Variants in ZBBX observed in about 807,000 individuals in gnomAD.
ZBBX encodes zinc finger B-box domain-containing protein 1.
A neutral mutation model predicts 108.5 loss-of-function variants in ZBBX; 101 were observed. The ratio of observed to expected loss-of-function variants is 0.93; its 90% CI spans 0.79 to 1.10. The LOEUF (loss-of-function observed/expected upper bound fraction) is 1.10. Among genes scored for constraint, ZBBX ranks in the 50% least tolerant of loss-of-function variants. ZBBX has a pLI of 0.00. For missense variants in ZBBX, 1,009 were observed against 941.4 expected (o/e 1.07, Z -0.94); for synonymous variants, 356 against 323.4 (o/e 1.10, Z -1.08).
chr3:167,364,940 C>T (rs1254130867), intron 6 of ZBBX, among the ~76,000 whole-genome samples: 2 of 151,692 alleles, frequency 1.3e-5, no homozygotes, highest in African/African-American at 4.8e-5. Flanking sequence ...TTGACTTCCT[C>T]CTCTCCTTTC....
chr3:167,266,529 C>A (rs1725522807), intron 20 of ZBBX, among the ~76,000 whole-genome samples: 1 of 152,156 alleles, frequency 6.6e-6, no homozygotes, highest in South Asian at 2.1e-4. Flanking sequence ...CACCACTGTA[C>A]CTCACATCCC....
intron 1 of ZBBX, among the ~76,000 whole-genome samples, chr3:167,395,490 G>C (rs774492948): frequency 5.3e-5 from 8 of 150,832 alleles, no homozygotes; most frequent in Admixed American, 3.3e-4. Context: ...ATCTGAAGTG[G>C]AATCCTGGCT....
At position 167,372,894 on chromosome 3, in the gene ZBBX, C is replaced by G. The variant is rs779809340; in HGVS notation, c.8G>C (p.Arg3Thr). Residue 3 changes from arginine to threonine, a missense_variant, in exon 4 of 22, where the codon AGA (arginine) becomes ACA (threonine). Arg to Thr is a moderately conservative substitution (Grantham distance 71). Coordinates refer to ENST00000675490, the MANE Select transcript of ZBBX (RefSeq NM_001199201.2). ...CCATGGAAGAACTACAAAATCTTTT[C>G]TGTTCATGATTACCACCTTAATATT... is the stretch of plus-strand genomic sequence containing the variant. MN[R>T]KDFVVLPWGK... 1.9e-6 allele frequency: 3 copies of G among 1,601,618 alleles called. No individual in the cohort carries two copies. In the South Asian group the frequency reaches 3.4e-5, roughly 18 times the overall value.
chr3:167,390,918 A>G (rs1343544915), intron 1 of ZBBX, among the ~76,000 whole-genome samples: 1 of 152,166 alleles, frequency 6.6e-6, no homozygotes, highest in Non-Finnish European at 1.5e-5. Context: ...ATGTACAATT[A>G]TGTCATCTGC....
intron 9 of ZBBX, among the ~76,000 whole-genome samples, chr3:167,336,764 C>T (rs1250812509): frequency 6.6e-6 from 1 of 152,148 alleles, no homozygotes; most frequent in East Asian, 1.9e-4. Context: ...TAAAAACTCA[C>T]AAAACTTTAA....
chr3:167,220,496 T>C, the ZBBX span, among the ~76,000 whole-genome samples: 1 of 152,138 alleles, frequency 6.6e-6, no homozygotes, highest in East Asian at 1.9e-4. Flanking sequence ...ATATGATCAC[T>C]TCAACTGATG....
rs570208183 is a variant in ZBBX, at chr3:167,391,453, TG to T, written c.-445-11049del. ...ATAATGGCCTGAAATTTTCTTTTTT[TG>T]TTGTGTTTCTGCCAGGTTTTGGTAT... On this transcript the variant is annotated intron_variant, in intron 1 of 21. Transcript: ENST00000455345. Among the ~76,000 whole-genome samples the T allele has an allele frequency of 2.7e-3, 411 of 152,150 alleles. 2 individuals are homozygous for T. The highest frequency in any genetic ancestry group is 4.2e-3 in the Non-Finnish European group (286 of 67,938).
intron 20 of ZBBX, among the ~76,000 whole-genome samples, chr3:167,277,678 T>C (rs186250922): frequency 0.035 from 5,318 of 152,100 alleles, 142 homozygotes; most frequent in Non-Finnish European, 0.051. Flanking sequence ...CTGTCAACAA[T>C]AGACAGATCA....
intron 19 of ZBBX, among the ~76,000 whole-genome samples, chr3:167,284,278 A>G (rs1003452202): frequency 6.6e-6 from 1 of 151,746 alleles, no homozygotes; most frequent in Non-Finnish European, 1.5e-5. Context: ...ATATGTAAAG[A>G]ACCATATTTA....
At chr3:167,320,146 G>T (rs1736183870) in intron 12 of ZBBX, among the ~76,000 whole-genome samples, 2 of 151,106 alleles carry the variant, frequency 1.3e-5, no homozygotes, top group African/African-American at 4.9e-5. Context: ...CTCCAATAAA[G>T]GGAACCAGTA....
chr3:167,318,794 C>T (rs941095483), intron 12 of ZBBX, among the ~76,000 whole-genome samples: 3 of 151,846 alleles, frequency 2.0e-5, no homozygotes, highest in Non-Finnish European at 4.4e-5. Flanking sequence ...AAAAAATAGC[C>T]TGAAGAGCTA....
chr3:167,271,223 A>C (rs1726465816), intron 20 of ZBBX, among the ~76,000 whole-genome samples: 1 of 152,226 alleles, frequency 6.6e-6, no homozygotes, highest in Non-Finnish European at 1.5e-5. Flanking sequence ...TATTAATAGC[A>C]AAAGCCAAGA....
intron 10 of ZBBX, among the ~76,000 whole-genome samples, chr3:167,330,618 G>A (rs191799863): frequency 1.8e-4 from 28 of 151,736 alleles, no homozygotes; most frequent in African/African-American, 6.1e-4. Context: ...ATAGTTGGAC[G>A]TGGTGGTATG....
chr3:167,190,651 A>G, the ZBBX span, among the ~76,000 whole-genome samples: 1 of 152,146 alleles, frequency 6.6e-6, no homozygotes, highest in Non-Finnish European at 1.5e-5. Context: ...AAGTGCTGGG[A>G]TTACAGGCGT....
downstream of ZBBX, among the ~76,000 whole-genome samples, chr3:167,238,062 T>C (rs207464041): frequency 6.6e-6 from 1 of 152,010 alleles, no homozygotes; most frequent in Admixed American, 6.6e-5. Context: ...AAAAGGAAGA[T>C]GTCTTAGAGC....
intron 10 of ZBBX, among the ~76,000 whole-genome samples, chr3:167,333,566 C>G (rs1011420491): frequency 6.6e-6 from 1 of 152,112 alleles, no homozygotes; most frequent in African/African-American, 2.4e-5. Flanking sequence ...CATCCAATTC[C>G]TGACATGGAT....
the ZBBX span, among the ~76,000 whole-genome samples, chr3:167,191,920 T>TAGAGAGAGAGAGAGAG: frequency 8.2e-6 from 1 of 122,198 alleles, no homozygotes; most frequent in African/African-American, 3.3e-5. Flanking sequence ...TATATATATA[T>TAGAGAGAGAGAGAGAG]ATATATATAT....
chr3:167,364,029 G>A (rs1744941499), intron 6 of ZBBX, among the ~76,000 whole-genome samples: 1 of 151,910 alleles, frequency 6.6e-6, no homozygotes, highest in Non-Finnish European at 1.5e-5. Context: ...GGCTTGGAAA[G>A]GTTAAGTGAA....
chr3:167,298,321 A>G lies in ZBBX; in HGVS notation c.1863T>C (p.Thr621=). ...SHRLECNNSS[T]RITLAEDREW... The stretch of plus-strand genomic sequence containing the variant: ...GAAATTTACCTGCAAGTGTAATCCT[A>G]GTACTGGAATTGTTGCATTCTAAAC... Residue 621 remains threonine (T), a synonymous_variant, in exon 18 of 22, where the codon ACT becomes ACC. Coordinates refer to ENST00000675490, the MANE Select transcript of ZBBX (RefSeq NM_001199201.2). 1 of 1,596,490 alleles carries G rather than the reference A, an allele frequency of 6.3e-7. No individual in the cohort carries two copies. The highest frequency in any genetic ancestry group is 8.5e-7 in the Non-Finnish European group (1 of 1,172,826).
Sources: allele counts gnomAD v4.1 joint callset (sites outside exome capture counted in the v4.1 genomes callset), GRCh38; gene constraint gnomAD v4.1.1; transcripts MANE v1.5; gene names NCBI Gene and HGNC (gene_info 2026-07-23, HGNC 2026-07-21).